CNTNAP5: variants seen among roughly 807,000 people sequenced by gnomAD.
The protein encoded by CNTNAP5 is contactin-associated protein-like 5.
In CNTNAP5, 72 loss-of-function variants were observed where a neutral mutation model predicts 150.2. That is an observed-to-expected ratio of 0.48 (90% CI 0.40 to 0.58). CNTNAP5 has a LOEUF of 0.58. Among genes scored for constraint, CNTNAP5 ranks in the 20% least tolerant of loss-of-function variants. The probability of loss-of-function intolerance (pLI) is 0.00; values close to 1 mark genes in which losing one functional copy is unlikely to be tolerated. For synonymous variants in CNTNAP5, 672 were observed against 619.8 expected (o/e 1.08, Z -1.25); for missense variants, 1,636 against 1,626.2 (o/e 1.01, Z -0.10).
chr2:124,075,686 G>T (rs1189784984), intron 1 of CNTNAP5, among the ~76,000 whole-genome samples: 1 of 151,994 alleles, frequency 6.6e-6, no homozygotes, highest in Non-Finnish European at 1.5e-5. Flanking sequence ...GGGAGAGAAG[G>T]AAGCAACACA....
chr2:124,881,078 T>C (rs1322911258), intron 21 of CNTNAP5, among the ~76,000 whole-genome samples: 2 of 152,052 alleles, frequency 1.3e-5, no homozygotes, highest in Non-Finnish European at 2.9e-5. Context: ...GAACAGTCCA[T>C]TGGGAGAATA....
chr2:124,680,906 G>A (rs1348675631), intron 13 of CNTNAP5: 1 of 151,710 alleles, frequency 6.6e-6, no homozygotes, highest in African/African-American at 2.4e-5. Context: ...TATAGTAGTG[G>A]AAGAATACAT....
At chr2:124,703,118 CCTCCCTCCCTGT>C in intron 13 of CNTNAP5, among the ~76,000 whole-genome samples, 1 of 149,228 alleles carries the variant, frequency 6.7e-6, no homozygotes, top group Non-Finnish European at 1.5e-5. Flanking sequence ...TTCCTCCCTC[CCTCCCTCCCTGT>C]CTCCCTCCCT....
At chr2:124,036,459 T>C (rs1196652743) in intron 1 of CNTNAP5, among the ~76,000 whole-genome samples, 1 of 152,130 alleles carries the variant, frequency 6.6e-6, no homozygotes, top group Non-Finnish European at 1.5e-5. Flanking sequence ...GCCACATCCA[T>C]GAGTTGTACC....
intron 1 of CNTNAP5, among the ~76,000 whole-genome samples, chr2:124,042,328 C>T (rs911184228): frequency 3.9e-5 from 6 of 151,962 alleles, no homozygotes; most frequent in African/African-American, 1.5e-4. Context: ...GTGATGATAC[C>T]CTCCCCAACT....
At chr2:124,332,527 G>A (rs1172666323) in intron 3 of CNTNAP5, among the ~76,000 whole-genome samples, 1 of 150,992 alleles carries the variant, frequency 6.6e-6, no homozygotes. Context: ...ATAAACTTAA[G>A]AAACCAAAAA....
intron 13 of CNTNAP5, among the ~76,000 whole-genome samples, chr2:124,657,232 A>T (rs1192287658): frequency 6.6e-6 from 1 of 152,182 alleles, no homozygotes; most frequent in African/African-American, 2.4e-5. Flanking sequence ...TATGGCATTT[A>T]CCTACTCCTG....
intron 6 of CNTNAP5, among the ~76,000 whole-genome samples, chr2:124,451,627 C>T (rs1692984146): frequency 1.3e-5 from 2 of 152,064 alleles, no homozygotes; most frequent in Admixed American, 1.3e-4. Flanking sequence ...TGCAGTAATA[C>T]ATTAGGAAAG....
At chr2:124,091,998 G>T (rs143099693) in intron 1 of CNTNAP5, among the ~76,000 whole-genome samples, 1 of 152,208 alleles carries the variant, frequency 6.6e-6, no homozygotes, top group Non-Finnish European at 1.5e-5. Flanking sequence ...GATCTGGGCT[G>T]GTGCACTTTT....
At chr2:124,179,810 G>A (rs13033474) in intron 1 of CNTNAP5, among the ~76,000 whole-genome samples, 34,184 of 152,106 alleles carry the variant, frequency 0.22, 4,123 homozygotes, top group African/African-American at 0.3. Flanking sequence ...TGCATTCCTG[G>A]TAAGTTTGAC....
chr2:124,751,930 A>T (rs1212913636), intron 14 of CNTNAP5, among the ~76,000 whole-genome samples: 1 of 152,194 alleles, frequency 6.6e-6, no homozygotes, highest in Non-Finnish European at 1.5e-5. Flanking sequence ...TCTTTTCCCC[A>T]GAAAAAAGAA....
intron 11 of CNTNAP5, among the ~76,000 whole-genome samples, chr2:124,576,089 A>T (rs2104943992): frequency 6.6e-6 from 1 of 152,328 alleles, no homozygotes; most frequent in Admixed American, 6.5e-5. Context: ...GCATAGCTGT[A>T]GTTCCAGATT....
At chr2:124,428,462 G>A (rs566007316) in intron 4 of CNTNAP5, among the ~76,000 whole-genome samples, 11 of 152,290 alleles carry the variant, frequency 7.2e-5, no homozygotes, top group East Asian at 3.9e-4. Context: ...TTTGAGCTTT[G>A]GGAAGATGGT....
chr2:124,175,069 A>G (rs1015153016), intron 1 of CNTNAP5, among the ~76,000 whole-genome samples: 5 of 152,234 alleles, frequency 3.3e-5, no homozygotes, highest in Admixed American at 6.5e-5. Flanking sequence ...TTAATAAACT[A>G]TAGTGCAAAC....
chr2:124,137,002 G>T (rs34125234), intron 1 of CNTNAP5, among the ~76,000 whole-genome samples: 15,153 of 151,948 alleles, frequency 0.1, 862 homozygotes, highest in Non-Finnish European at 0.12. Flanking sequence ...CTAGGCTGGA[G>T]GAGAAATTCC....
In CNTNAP5 at chr2:124,428,673, AT is replaced by A. The variant is rs68135556; in HGVS notation, c.530-5798del. On this transcript the variant is annotated intron_variant, in intron 4 of 23. Coordinates refer to ENST00000682447, the MANE Select transcript of CNTNAP5 (RefSeq NM_001367498.1). ...TCCCTTCTTTAAATCAGCAATCAGCATTTTTTTTTTTTTGAGCTTTGGTTTT... is the reference window on the plus strand; with the variant it reads ...TCCCTTCTTTAAATCAGCAATCAGCATTTTTTTTTTTTGAGCTTTGGTTTT... Among the ~76,000 whole-genome samples, 418 of 145,864 alleles carry A rather than the reference AT, an allele frequency of 2.9e-3. 2 individuals carry two copies. The highest frequency in any genetic ancestry group is 5.9e-3 in the African/African-American group (235 of 40,100).
intron 3 of CNTNAP5, among the ~76,000 whole-genome samples, chr2:124,407,689 A>C (rs1327468487): frequency 6.6e-6 from 1 of 152,182 alleles, no homozygotes; most frequent in African/African-American, 2.4e-5. Context: ...CTTTTTAGGC[A>C]TTGTATAGGA....
At chr2:124,860,776 G>A (rs1030781436) in intron 19 of CNTNAP5, among the ~76,000 whole-genome samples, 1 of 151,908 alleles carries the variant, frequency 6.6e-6, no homozygotes, top group Admixed American at 6.6e-5. Flanking sequence ...ATCAGTTATG[G>A]GCAGTTTACA....
intron 19 of CNTNAP5, among the ~76,000 whole-genome samples, chr2:124,821,095 A>T (rs1367583860): frequency 6.6e-6 from 1 of 152,252 alleles, no homozygotes; most frequent in East Asian, 1.9e-4. Context: ...TCTCATGGCC[A>T]TAAGCCAGGG....
Sources: gnomAD v4.1 joint callset for allele counts (sites outside exome capture counted in the v4.1 genomes callset) on GRCh38, gnomAD v4.1.1 for gene constraint, MANE v1.5 for transcripts, NCBI Gene and HGNC (gene_info 2026-07-23, HGNC 2026-07-21) for gene names.